DOK6: variants seen among roughly 807,000 people sequenced by gnomAD.
DOK6 encodes docking protein 6.
DOK6 carries 22 observed loss-of-function variants against 44.0 expected under a neutral mutation model. The ratio of observed to expected loss-of-function variants is 0.50; its 90% CI spans 0.36 to 0.71. The LOEUF (loss-of-function observed/expected upper bound fraction) is 0.71. Ranked by LOEUF, DOK6 falls within the 30% of genes least tolerant of loss-of-function variation. The probability of loss-of-function intolerance (pLI) is 0.00; values close to 1 mark genes in which losing one functional copy is unlikely to be tolerated. For synonymous variants in DOK6, 166 were observed against 145.5 expected (o/e 1.14, Z -1.01); for missense variants, 340 against 416.4 (o/e 0.82, Z 1.60).
At chr18:69,704,613 G>A (rs1041906492) in intron 5 of DOK6, among the ~76,000 whole-genome samples, 4 of 151,766 alleles carry the variant, frequency 2.6e-5, no homozygotes, top group Admixed American at 6.6e-5. Flanking sequence ...TGAGTAGCTG[G>A]GACTACAGGC....
chr18:69,486,118 G>A (rs1014813444), intron 1 of DOK6, among the ~76,000 whole-genome samples: 3 of 151,698 alleles, frequency 2.0e-5, no homozygotes, highest in African/African-American at 4.8e-5. Context: ...AATATATAAT[G>A]TAACATTATT....
At chr18:69,588,364 CA>C (rs1202190207) in intron 2 of DOK6, among the ~76,000 whole-genome samples, 2 of 152,268 alleles carry the variant, frequency 1.3e-5, no homozygotes, top group South Asian at 2.1e-4. Flanking sequence ...ACAGTTAAAA[CA>C]TGTGTGTTTT....
chr18:69,783,687 A>G (rs1255769388), intron 7 of DOK6, among the ~76,000 whole-genome samples: 1 of 152,188 alleles, frequency 6.6e-6, no homozygotes, highest in Non-Finnish European at 1.5e-5. Flanking sequence ...AATTAAAAAC[A>G]TCCAAATCAA....
intron 3 of DOK6, among the ~76,000 whole-genome samples, chr18:69,605,127 T>TGTGTGTGTGTG (rs1983967051): frequency 1.0e-4 from 15 of 149,652 alleles, no homozygotes; most frequent in South Asian, 6.4e-4. Flanking sequence ...TGTGTGTGTG[T>TGTGTGTGTGTG]TTCAGAATCA....
At chr18:69,693,508 G>A (rs1460872950) in intron 4 of DOK6, among the ~76,000 whole-genome samples, 1 of 152,058 alleles carries the variant, frequency 6.6e-6, no homozygotes, top group Non-Finnish European at 1.5e-5. Context: ...CTTAGTATAA[G>A]GGAAATTTAG....
chr18:69,622,489 G>T (rs1168258305), intron 3 of DOK6, among the ~76,000 whole-genome samples: 1 of 152,106 alleles, frequency 6.6e-6, no homozygotes, highest in Non-Finnish European at 1.5e-5. Context: ...TAAGCAACAG[G>T]ATTTTTTGTT....
chr18:69,742,428 AG>A lies in DOK6; in HGVS notation c.738+3326del, dbSNP rs67711733. Reference sequence around the variant, plus strand: ...AAACTCCATCTCAAAAAAAAAAAAAAGAAAAAGAAAAAGAAAAATTTATCAA... The same window carrying A: ...AAACTCCATCTCAAAAAAAAAAAAAAAAAAAGAAAAAGAAAAATTTATCAA... On this transcript the variant is annotated intron_variant, in intron 6 of 7. Transcript: ENST00000382713. Among the ~76,000 whole-genome samples the A allele has an allele frequency of 1.5e-3, 214 of 142,728 alleles. 3 individuals are homozygous for A. Among genetic ancestry groups the A allele is most frequent in the South Asian group, 0.01 (48 of 4,638 alleles). 93.6% of individuals were successfully genotyped at this position (142,728 alleles called of 152,430 possible).
intron 2 of DOK6, among the ~76,000 whole-genome samples, chr18:69,584,410 A>G (rs898273844): frequency 7.2e-5 from 11 of 151,994 alleles, no homozygotes; most frequent in Non-Finnish European, 1.0e-4. Context: ...CTCCTGCCTC[A>G]GCCACTCGAG....
chr18:69,824,341 TACA>T (rs200736703), intron 7 of DOK6, among the ~76,000 whole-genome samples: 39,368 of 150,968 alleles, frequency 0.26, 5,139 homozygotes, highest in Non-Finnish European at 0.27. Context: ...TGATGGTTTT[TACA>T]AAAAAAAAAA....
intron 4 of DOK6, among the ~76,000 whole-genome samples, chr18:69,691,721 G>A (rs917574557): frequency 3.9e-5 from 6 of 152,186 alleles, no homozygotes; most frequent in Admixed American, 2.0e-4. Context: ...TTTATAGTTA[G>A]CTGAGCTTGA....
intron 1 of DOK6, among the ~76,000 whole-genome samples, chr18:69,403,692 TA>T (rs746863590): frequency 8.5e-5 from 13 of 152,168 alleles, no homozygotes; most frequent in Admixed American, 2.6e-4. Flanking sequence ...CAGAATATTC[TA>T]ATATGCAGAA....
At position 69,414,686 on chromosome 18, in the gene DOK6, G is replaced by A. The variant is rs993178137; in HGVS notation, c.66+13376G>A. ...TGACTGTAGTAATGTCAGTATTTTG[G>A]TTATGAAATGAGATGGTAATTTTAC... is the stretch of plus-strand genomic sequence containing the variant. On this transcript the variant is annotated intron_variant, in intron 1 of 7. Transcript: ENST00000382713. Among the ~76,000 whole-genome samples the A allele has an allele frequency of 3.9e-5, 6 of 151,982 alleles. No individual in the cohort carries two copies. The South Asian group carries it at 1.0e-3, about 26-fold the overall frequency.
intron 5 of DOK6, among the ~76,000 whole-genome samples, chr18:69,712,804 G>A (rs1447441720): frequency 1.3e-5 from 2 of 152,146 alleles, no homozygotes; most frequent in East Asian, 1.9e-4. Context: ...CCGAGATCAC[G>A]CTACTGCATT....
intron 4 of DOK6, among the ~76,000 whole-genome samples, chr18:69,684,016 T>C (rs1427204247): frequency 6.6e-6 from 1 of 152,174 alleles, no homozygotes; most frequent in Non-Finnish European, 1.5e-5. Context: ...CAGGGAAAGC[T>C]GAAAGGCAAT....
intron 1 of DOK6, among the ~76,000 whole-genome samples, chr18:69,470,900 A>C (rs1212219108): frequency 6.6e-6 from 1 of 152,158 alleles, no homozygotes; most frequent in Non-Finnish European, 1.5e-5. Flanking sequence ...GCTCAGAGTA[A>C]ATACTTAACA....
At chr18:69,840,690 C>T (rs1005850450) in intron 7 of DOK6, among the ~76,000 whole-genome samples, 2 of 152,160 alleles carry the variant, frequency 1.3e-5, no homozygotes, top group South Asian at 2.1e-4. Flanking sequence ...AGTTCAGTGA[C>T]GGTGACTCAC....
intron 1 of DOK6, among the ~76,000 whole-genome samples, chr18:69,477,239 G>A: frequency 6.6e-6 from 1 of 152,294 alleles, no homozygotes; most frequent in Non-Finnish European, 1.5e-5. Context: ...CAGCCCACAA[G>A]TGTGGAAGCA....
intron 3 of DOK6, among the ~76,000 whole-genome samples, chr18:69,654,004 A>G (rs1413912418): frequency 6.6e-6 from 1 of 152,184 alleles, no homozygotes; most frequent in Non-Finnish European, 1.5e-5. Context: ...GACAAGATGG[A>G]AAACTTCAGA....
At chr18:69,444,976 C>A (rs549727825) in intron 1 of DOK6, among the ~76,000 whole-genome samples, 2 of 151,884 alleles carry the variant, frequency 1.3e-5, no homozygotes, top group Non-Finnish European at 2.9e-5. Flanking sequence ...ACATATAATG[C>A]CTTTCTATTT....
Sources: allele counts gnomAD v4.1 joint callset (sites outside exome capture counted in the v4.1 genomes callset), GRCh38; gene constraint gnomAD v4.1.1; transcripts MANE v1.5; gene names NCBI Gene and HGNC (gene_info 2026-07-23, HGNC 2026-07-21).